RCN3: variants seen among roughly 807,000 people sequenced by gnomAD.
The protein encoded by RCN3 is reticulocalbin 3, also known as reticulocalbin-3.
RCN3 carries 41 observed loss-of-function variants against 35.9 expected under a neutral mutation model. That is an observed-to-expected ratio of 1.14 (90% CI 0.89 to 1.48). RCN3 has a LOEUF of 1.48. RCN3 is among the 40% of genes most tolerant of loss of function. RCN3 has a pLI of 0.00. For missense variants in RCN3, 451 were observed against 471.3 expected (o/e 0.96, Z 0.40); for synonymous variants, 187 against 193.4 (o/e 0.97, Z 0.27).
intron 3 of RCN3, among the ~76,000 whole-genome samples, chr19:49,535,537 C>T (rs2080129591): frequency 6.6e-6 from 1 of 152,142 alleles, no homozygotes; most frequent in African/African-American, 2.4e-5. Flanking sequence ...CACAAGTTAG[C>T]TAATTTATTG....
At chr19:49,540,027 AT>A (rs1418468330) in intron 5 of RCN3, among the ~76,000 whole-genome samples, 2 of 150,936 alleles carry the variant, frequency 1.3e-5, no homozygotes, top group African/African-American at 2.4e-5. Flanking sequence ...CCGGCCAGGA[AT>A]TTTTTTTTAA....
Position 49,534,269 on chromosome 19 carries a change from G to A in RCN3, c.319G>A (p.Ala107Thr). Residue 107 changes from alanine (A) to threonine (T), a missense_variant, in exon 3 of 7, where the codon GCG (alanine) becomes ACG (threonine). Ala to Thr is a moderately conservative substitution (Grantham distance 58). Transcript: ENST00000270645. ...VSLAELRAWIAHTQQRHIRDS... is the reference protein window; with the variant it reads ...VSLAELRAWITHTQQRHIRDS... ...GCTGGCCGAGCTTCGCGCGTGGATC[G>A]CGCACACGCAGCAGCGGCACATACG... is the stretch of plus-strand genomic sequence containing the variant. 1 of 1,463,192 alleles carries A rather than the reference G, an allele frequency of 6.8e-7. No homozygotes were observed. The allele number at this position is 1,463,192 out of a possible 1,614,324, so 90.6% of individuals were successfully genotyped here.
intron 3 of RCN3, among the ~76,000 whole-genome samples, chr19:49,535,560 A>G (rs2080129702): frequency 6.6e-6 from 1 of 152,170 alleles, no homozygotes; most frequent in African/African-American, 2.4e-5. Flanking sequence ...TGGATATAAT[A>G]TGTTACATAG....
intron 3 of RCN3, among the ~76,000 whole-genome samples, chr19:49,536,734 G>A (rs569394821): frequency 1.7e-4 from 26 of 150,394 alleles, no homozygotes; most frequent in Admixed American, 1.1e-3. Flanking sequence ...TCAGACTCCC[G>A]AGTAGCTGGG....
intron 3 of RCN3, among the ~76,000 whole-genome samples, chr19:49,536,646 T>C (rs2080137037): frequency 6.7e-6 from 1 of 149,594 alleles, no homozygotes; most frequent in Non-Finnish European, 1.5e-5. Context: ...CCTCCCTCTG[T>C]CGCCCAGGCT....
chr19:49,543,378 G>T lies in RCN3; in HGVS notation c.*165G>T. On this transcript the variant is annotated 3_prime_UTR_variant, in exon 7 of 7. Transcript: ENST00000270645. Reference sequence around the variant, plus strand: ...ACCCCCTGGGTCGGCTTCTGTCCCTGTCACACCCCCAACCCCAGGGAGGGG... The same window carrying T: ...ACCCCCTGGGTCGGCTTCTGTCCCTTTCACACCCCCAACCCCAGGGAGGGG... 1.6e-6 allele frequency: 1 copy of T among 633,660 alleles called. No homozygotes were observed. Among genetic ancestry groups the T allele is most frequent in the Non-Finnish European group, 2.8e-6 (1 of 351,996 alleles). The allele number at this position is 633,660 out of a possible 1,614,324, so 39.3% of individuals were successfully genotyped here.
chr19:49,540,391 T>G (rs1378319783), intron 5 of RCN3, among the ~76,000 whole-genome samples: 4 of 151,956 alleles, frequency 2.6e-5, no homozygotes, highest in Non-Finnish European at 5.9e-5. Context: ...CCCAGCACTT[T>G]GGGAGGCTGA....
chr19:49,528,546 A>G lies in RCN3; in HGVS notation c.74A>G (p.Asp25Gly). The change falls in exon 2 of 7, where the codon GAC (aspartate) becomes GGC (glycine). Residue 25 changes from aspartate to glycine, a missense_variant. Coordinates refer to ENST00000270645, the MANE Select transcript of RCN3 (RefSeq NM_020650.3). The part of the protein sequence containing the change: ...RHGAQGKPSP[D>G]AGPHGQGRVH... ...GGGGCCCAGGGGAAGCCATCCCCAGACGCAGGCCCTCATGGCCAGGGGAGG... is the reference window on the plus strand; with the variant it reads ...GGGGCCCAGGGGAAGCCATCCCCAGGCGCAGGCCCTCATGGCCAGGGGAGG... The G allele has an allele frequency of 6.3e-7, 1 of 1,584,654 alleles. No individual in the cohort carries two copies.
rs1204665692 is a variant in RCN3 at position 49,538,061 on chromosome 19, A to C, written c.618+856A>C. On this transcript the variant is annotated intron_variant, in intron 4 of 6. Coordinates refer to ENST00000270645, the MANE Select transcript of RCN3 (RefSeq NM_020650.3). Reference sequence around the variant, plus strand: ...GACCGGAGGGCAGTGGCTCAATCTCAGCTCACTGCAACCTCAAACTCTTGG... The same window carrying C: ...GACCGGAGGGCAGTGGCTCAATCTCCGCTCACTGCAACCTCAAACTCTTGG... 3.7e-4 allele frequency among the ~76,000 whole-genome samples: 56 copies of C among 149,526 alleles called. No homozygotes were observed. The Admixed American group carries it at 3.8e-3, about 10-fold the overall frequency.
Position 49,543,098 on chromosome 19 carries a change from C to T in RCN3, c.880-8C>T. On this transcript the variant is annotated splice_region_variant and splice_polypyrimidine_tract_variant and intron_variant, in intron 6 of 6. Coordinates refer to ENST00000270645, the MANE Select transcript of RCN3 (RefSeq NM_020650.3). ...GTTGTCCCCTCTGAACCCTGACCCT[C>T]CCTCCAGGATGGGCGGCTGAGCAAA... 6.2e-7 allele frequency: 1 copy of T among 1,612,364 alleles called. No homozygotes were observed. The highest frequency in any genetic ancestry group is 8.5e-7 in the Non-Finnish European group (1 of 1,178,426).
Position 49,543,070 on chromosome 19 carries a change from C to G in RCN3, c.880-36C>G, listed in dbSNP as rs573186641. 5.2e-6 allele frequency: 8 copies of G among 1,543,514 alleles called. No individual in the cohort carries two copies. The East Asian group carries it at 6.7e-5, about 13-fold the overall frequency. On this transcript the variant is annotated intron_variant, in intron 6 of 6. Coordinates refer to ENST00000270645, the MANE Select transcript of RCN3 (RefSeq NM_020650.3). ...CAGGGAGGGCTTTTGAAAGCAGGGC[C>G]GTGTTGTCCCCTCTGAACCCTGACC... is the stretch of plus-strand genomic sequence containing the variant.
intron 3 of RCN3, 84 bp downstream of exon 3, chr19:49,534,479 A>ATT: frequency 7.1e-7 from 1 of 1,414,132 alleles, no homozygotes; most frequent in East Asian, 2.8e-5. Flanking sequence ...CCCTGAACCC[A>ATT]TTTACCCGGA....
intron 2 of RCN3, 92 bp from the exon 3 acceptor site, chr19:49,534,101 G>T: frequency 4.0e-6 from 5 of 1,241,844 alleles, no homozygotes; most frequent in Non-Finnish European, 5.3e-6. Flanking sequence ...TTTCAGCCCC[G>T]GATCCGAAGT....
At chr19:49,529,903 C>T (rs2080100187) in intron 2 of RCN3, among the ~76,000 whole-genome samples, 1 of 151,278 alleles carries the variant, frequency 6.6e-6, no homozygotes, top group African/African-American at 2.4e-5. Context: ...ATTACAGGCG[C>T]TAGCCACCAC....
chr19:49,541,317 T>C (rs1464855073), intron 5 of RCN3, among the ~76,000 whole-genome samples: 4 of 152,142 alleles, frequency 2.6e-5, no homozygotes, highest in Admixed American at 1.3e-4. Flanking sequence ...CTCCATTATA[T>C]AGATGACACC....
intron 3 of RCN3, among the ~76,000 whole-genome samples, chr19:49,535,862 AT>A (rs201594681): frequency 1.2e-3 from 154 of 124,866 alleles, no homozygotes; most frequent in Middle Eastern, 7.9e-3. Context: ...AAAAAAAAAA[AT>A]ATATATATAT....
rs138089734 is a variant in RCN3 at position 49,528,589 on chromosome 19, C to A, written c.117C>A (p.Pro39=). The change falls in exon 2 of 7, where the codon CCC becomes CCA. Residue 39 remains proline, a synonymous_variant. Coordinates refer to ENST00000270645, the MANE Select transcript of RCN3 (RefSeq NM_020650.3). ...HGQGRVHQAA[P]LSDAPHDDAH... Reference sequence around the variant, plus strand: ...AGGGGAGGGTGCACCAGGCGGCCCCCCTGAGCGACGCTCCCCATGATGACG... The same window carrying A: ...AGGGGAGGGTGCACCAGGCGGCCCCACTGAGCGACGCTCCCCATGATGACG... The A allele has an allele frequency of 7.5e-6, 12 of 1,610,270 alleles. No individual in the cohort carries two copies. Among genetic ancestry groups the A allele is most frequent in the Non-Finnish European group, 1.0e-5 (12 of 1,178,452 alleles).
At chr19:49,530,071 A>G (rs974726962) in intron 2 of RCN3, among the ~76,000 whole-genome samples, 5 of 150,034 alleles carry the variant, frequency 3.3e-5, no homozygotes, top group Non-Finnish European at 5.9e-5. Flanking sequence ...TCTGCCTCGT[A>G]CTCCCTAGTA....
chr19:49,540,389 T>G (rs1312158710), intron 5 of RCN3, among the ~76,000 whole-genome samples: 2 of 152,016 alleles, frequency 1.3e-5, no homozygotes, highest in Non-Finnish European at 2.9e-5. Context: ...ATCCCAGCAC[T>G]TTGGGAGGCT....
Sources: gnomAD v4.1 joint callset for allele counts (sites outside exome capture counted in the v4.1 genomes callset) on GRCh38, gnomAD v4.1.1 for gene constraint, MANE v1.5 for transcripts, NCBI Gene and HGNC (gene_info 2026-07-23, HGNC 2026-07-21) for gene names.